The following IL1R2 variants were observed in gnomAD, a reference collection of about 807,000 sequenced individuals.
IL1R2 encodes interleukin-1 receptor type 2.
In IL1R2, 46 loss-of-function variants were observed where a neutral mutation model predicts 39.5. The observed-to-expected ratio is 1.16, with a 90% CI of 0.92 to 1.49. The LOEUF is 1.49. IL1R2 is among the 40% of genes most tolerant of loss of function. IL1R2 has a pLI of 0.00. For missense variants in IL1R2, 537 were observed against 502.0 expected (o/e 1.07, Z -0.67); for synonymous variants, 207 against 189.6 (o/e 1.09, Z -0.75).
chr2:102,014,336 G>A (rs187040767), intron 3 of IL1R2, among the ~76,000 whole-genome samples: 6 of 152,256 alleles, frequency 3.9e-5, no homozygotes, highest in Non-Finnish European at 8.8e-5. Flanking sequence ...GTGAAATAAC[G>A]TGTGCAAAGT....
At chr2:102,015,685 T>C (rs923526207) in intron 3 of IL1R2, among the ~76,000 whole-genome samples, 186 bp from the exon 4 acceptor site, 13 of 152,212 alleles carry the variant, frequency 8.5e-5, no homozygotes, top group African/African-American at 3.1e-4. Flanking sequence ...TGAATGCTTG[T>C]TGTGTTTGCA....
chr2:101,994,318 A>G (rs939596242), intron 1 of IL1R2, among the ~76,000 whole-genome samples: 6 of 151,934 alleles, frequency 3.9e-5, no homozygotes, highest in South Asian at 2.1e-4. Context: ...ACGGACCCCG[A>G]GCCCCCCTCC....
intron 3 of IL1R2, among the ~76,000 whole-genome samples, chr2:102,013,818 A>T (rs1429378717): frequency 2.6e-5 from 4 of 152,096 alleles, no homozygotes. Flanking sequence ...AGGGTCTCTC[A>T]TGGCTGTTAC....
At chr2:102,008,071 G>C (rs1228838034) in intron 1 of IL1R2, among the ~76,000 whole-genome samples, 1 of 152,192 alleles carries the variant, frequency 6.6e-6, no homozygotes, top group African/African-American at 2.4e-5. Flanking sequence ...GAATGCCACA[G>C]AGAATGACAG....
chr2:102,013,497 A>T (rs1676763943), intron 3 of IL1R2, among the ~76,000 whole-genome samples: 1 of 145,456 alleles, frequency 6.9e-6, no homozygotes, highest in Admixed American at 6.9e-5. Flanking sequence ...GGTGCTCTGC[A>T]AATAAATGCC....
rs75224753 is a variant in IL1R2, at chr2:101,994,038, C to T, written c.-62+2027C>T. Reference sequence around the variant, plus strand: ...CCGCCCAGCTGATCATTTGGTATTACCACATGCACAGACACGGGAGAGTGC... The same window carrying T: ...CCGCCCAGCTGATCATTTGGTATTATCACATGCACAGACACGGGAGAGTGC... On this transcript the variant is annotated intron_variant, in intron 1 of 8. Transcript: ENST00000332549. Among the ~76,000 whole-genome samples the T allele has an allele frequency of 2.0e-4, 31 of 152,336 alleles. 1 individual carries two copies. The East Asian group carries it at 6.0e-3, about 29-fold the overall frequency.
Position 102,008,595 on chromosome 2 carries a change from T to G in IL1R2, c.20T>G (p.Leu7Trp), listed in dbSNP as rs1303727800. MLRLYV[L>W]VMGVSAFTLQ... ...GGAGCAATGTTGCGCTTGTACGTGT[T>G]GGTAATGGGAGTTTCTGCCTTCACC... is the stretch of plus-strand genomic sequence containing the variant. Residue 7 changes from leucine to tryptophan, a missense_variant, in exon 2 of 9, where the codon TTG becomes TGG. By Grantham distance (61) the Leu-to-Trp change is moderately conservative. Coordinates refer to ENST00000332549, the MANE Select transcript of IL1R2 (RefSeq NM_004633.4). 2 of 1,614,076 alleles carry G rather than the reference T, an allele frequency of 1.2e-6. No individual in the cohort carries two copies.
At chr2:102,013,162 T>G (rs549829267) in intron 3 of IL1R2, among the ~76,000 whole-genome samples, 22 of 152,226 alleles carry the variant, frequency 1.4e-4, no homozygotes, top group African/African-American at 5.1e-4. Flanking sequence ...TATGATCAAT[T>G]TTTGTAGGAA....
Position 102,019,740 on chromosome 2 carries a change from C to T in IL1R2, c.616C>T (p.Arg206Cys), listed in dbSNP as rs764905517. ...DVALEDAGYY[R>C]CVLTFAHEGQ... ...GGCCCTGGAAGATGCTGGCTATTAC[C>T]GCTGTGTCCTGACATTTGCCCATGA... Residue 206 changes from arginine to cysteine, a missense_variant, in exon 5 of 9, where the codon CGC (arginine) becomes TGC (cysteine). By Grantham distance (180) the Arg-to-Cys change is radical (BLOSUM62 -3). Transcript: ENST00000332549. 40 of 1,613,990 alleles carry T rather than the reference C, an allele frequency of 2.5e-5. No homozygotes were observed. The highest frequency in any genetic ancestry group is 2.2e-4 in the South Asian group (20 of 91,072).
At chr2:102,028,063 A>G (rs1677841382) in intron 8 of IL1R2, among the ~76,000 whole-genome samples, 163 bp from the exon 9 acceptor site, 1 of 152,200 alleles carries the variant, frequency 6.6e-6, no homozygotes, top group Non-Finnish European at 1.5e-5. Context: ...ACTCTCAAAT[A>G]TCCTCCATGT....
At chr2:102,014,322 A>G (rs1329186448) in intron 3 of IL1R2, among the ~76,000 whole-genome samples, 1 of 152,210 alleles carries the variant, frequency 6.6e-6, no homozygotes, top group Non-Finnish European at 1.5e-5. Flanking sequence ...GGGCTGGACT[A>G]TAAGTGAAAT....
chr2:102,027,235 T>C (rs989235042), intron 8 of IL1R2, among the ~76,000 whole-genome samples: 4 of 152,136 alleles, frequency 2.6e-5, no homozygotes, highest in Non-Finnish European at 5.9e-5. Flanking sequence ...AGGGCACACA[T>C]GTGAAGGGTG....
At chr2:102,001,410 C>T (rs1675853596) in intron 1 of IL1R2, among the ~76,000 whole-genome samples, 3 of 152,224 alleles carry the variant, frequency 2.0e-5, no homozygotes, top group Admixed American at 1.3e-4. Context: ...GGTCTCCCTG[C>T]AACGTGGCCT....
intron 5 of IL1R2, among the ~76,000 whole-genome samples, chr2:102,020,733 TCTC>T (rs1006589473): frequency 7.2e-5 from 11 of 152,144 alleles, no homozygotes; most frequent in Non-Finnish European, 1.5e-4. Flanking sequence ...CTGACTCAGG[TCTC>T]CTGAGGCTTT....
At chr2:102,009,439 A>G (rs1676474979) in intron 2 of IL1R2, 123 bp from the exon 3 acceptor site, 5 of 1,089,888 alleles carry the variant, frequency 4.6e-6, no homozygotes, top group Admixed American at 2.2e-5. Flanking sequence ...GACAAATGAC[A>G]TCTTTCTCAA....
chr2:102,024,765 A>C, intron 7 of IL1R2, 97 bp downstream of exon 7: 1 of 1,406,228 alleles, frequency 7.1e-7, no homozygotes, highest in Non-Finnish European at 9.5e-7. Flanking sequence ...ATTAAAAGTT[A>C]CTTTTTTTGA....
intron 5 of IL1R2, 72 bp downstream of exon 5, chr2:102,019,884 C>G: frequency 7.6e-7 from 1 of 1,320,020 alleles, no homozygotes; most frequent in Non-Finnish European, 1.1e-6. Flanking sequence ...AATGACGGTG[C>G]ACGTAGAATT....
chr2:101,995,641 A>G (rs959236661), intron 1 of IL1R2, among the ~76,000 whole-genome samples: 12 of 152,178 alleles, frequency 7.9e-5, no homozygotes. Context: ...CTGATACTTC[A>G]CTTTGATTGT....
chr2:102,018,976 G>T (rs1355530003), intron 4 of IL1R2, among the ~76,000 whole-genome samples: 1 of 152,266 alleles, frequency 6.6e-6, no homozygotes, highest in Non-Finnish European at 1.5e-5. Flanking sequence ...TGTTGCAAAC[G>T]TTGAATAATC....
Sources: gnomAD v4.1 joint callset for allele counts (sites outside exome capture counted in the v4.1 genomes callset) on GRCh38, gnomAD v4.1.1 for gene constraint, MANE v1.5 for transcripts, NCBI Gene and HGNC (gene_info 2026-07-23, HGNC 2026-07-21) for gene names.